The following COMMD1 variants were observed in gnomAD, a reference collection of about 807,000 sequenced individuals.
COMMD1 encodes the protein copper metabolism domain containing 1, also known as COMM domain-containing protein 1.
In COMMD1, 10 loss-of-function variants were observed where a neutral mutation model predicts 17.2. That is an observed-to-expected ratio of 0.58 (90% confidence interval 0.36 to 0.99). COMMD1 has a LOEUF of 0.99. Among genes scored for constraint, COMMD1 ranks in the 50% least tolerant of loss-of-function variants. COMMD1 has a pLI of 0.01. For synonymous variants in COMMD1, 97 were observed against 91.6 expected (o/e 1.06, Z -0.34); for missense variants, 270 against 231.8 (o/e 1.17, Z -1.07).
At chr2:61,956,738 AT>A (rs1235050781) in intron 1 of COMMD1, among the ~76,000 whole-genome samples, 2 of 149,726 alleles carry the variant, frequency 1.3e-5, no homozygotes, top group Non-Finnish European at 3.0e-5. Flanking sequence ...AAGAAAGCGC[AT>A]AGTTTTTTTT....
chr2:62,010,356 A>T (rs1669245244), intron 2 of COMMD1, among the ~76,000 whole-genome samples: 1 of 151,992 alleles, frequency 6.6e-6, no homozygotes, highest in Non-Finnish European at 1.5e-5. Context: ...CAACATCTAA[A>T]TGTTGGTGTA....
At chr2:62,052,410 T>A (rs1670562228) in intron 2 of COMMD1, among the ~76,000 whole-genome samples, 1 of 152,162 alleles carries the variant, frequency 6.6e-6, no homozygotes, top group Admixed American at 6.5e-5. Context: ...GGAGATAGGC[T>A]CTGTCCCACG....
intron 1 of COMMD1, among the ~76,000 whole-genome samples, chr2:61,922,512 C>T (rs1440141193): frequency 6.6e-6 from 1 of 152,122 alleles, no homozygotes; most frequent in Non-Finnish European, 1.5e-5. Context: ...AGATGGGTTT[C>T]ACCATGTTGG....
chr2:61,972,286 T>C (rs1334118862), intron 1 of COMMD1, among the ~76,000 whole-genome samples: 2 of 152,258 alleles, frequency 1.3e-5, no homozygotes, highest in Admixed American at 6.5e-5. Flanking sequence ...ATACTGCTGC[T>C]ATTATTTTTC....
chr2:61,992,916 T>C (rs1401986615), intron 1 of COMMD1, among the ~76,000 whole-genome samples: 1 of 152,220 alleles, frequency 6.6e-6, no homozygotes, highest in Non-Finnish European at 1.5e-5. Context: ...ACAATTAAAA[T>C]GAGGGAGGTA....
intron 2 of COMMD1, among the ~76,000 whole-genome samples, chr2:62,120,198 C>T (rs1672706023): frequency 6.6e-6 from 1 of 151,920 alleles, no homozygotes; most frequent in Non-Finnish European, 1.5e-5. Flanking sequence ...ATGGGTTTCA[C>T]CATGTTGCCC....
At chr2:62,125,188 A>G (rs1672854555) in intron 2 of COMMD1, among the ~76,000 whole-genome samples, 2 of 152,250 alleles carry the variant, frequency 1.3e-5, no homozygotes, top group South Asian at 4.1e-4. Context: ...TTGTGAGAAT[A>G]TGGATAAACA....
In COMMD1 at chr2:62,133,717, T is replaced by C. The variant is rs147854015; in HGVS notation, c.463-2114T>C. Among the ~76,000 whole-genome samples, 1,067 of 152,274 alleles carry C rather than the reference T, an allele frequency of 7.0e-3. 17 individuals are homozygous for C. The highest frequency in any genetic ancestry group is 0.024 in the African/African-American group (1,003 of 41,550). On this transcript the variant is annotated intron_variant, in intron 2 of 2. Coordinates refer to ENST00000311832, the MANE Select transcript of COMMD1 (RefSeq NM_152516.4). ...ATTAAGTATATGGTGAATCTAATAG[T>C]AGATAAGAGTTATTTTACTAAGGTT...
intron 2 of COMMD1, among the ~76,000 whole-genome samples, chr2:62,032,781 AT>A (rs1051549547): frequency 2.7e-5 from 4 of 150,140 alleles, no homozygotes; most frequent in Admixed American, 1.3e-4. Context: ...TTCATTCATT[AT>A]TTTTTTGAGA....
At chr2:61,998,936 C>T (rs754307562) in intron 1 of COMMD1, among the ~76,000 whole-genome samples, 1 of 152,064 alleles carries the variant, frequency 6.6e-6, no homozygotes, top group Non-Finnish European at 1.5e-5. Context: ...TGTTTCATGG[C>T]GCCCTGAAAG....
At chr2:62,028,761 A>G (rs886111458) in intron 2 of COMMD1, among the ~76,000 whole-genome samples, 2 of 152,180 alleles carry the variant, frequency 1.3e-5, no homozygotes, top group African/African-American at 2.4e-5. Context: ...TTATTTTATT[A>G]TAGTCACTTA....
chr2:62,125,923 C>A (rs979523661), intron 2 of COMMD1, among the ~76,000 whole-genome samples: 1 of 152,128 alleles, frequency 6.6e-6, no homozygotes, highest in African/African-American at 2.4e-5. Context: ...CTCCTTCCCC[C>A]CACTTCACCC....
intron 1 of COMMD1, among the ~76,000 whole-genome samples, chr2:61,926,183 G>C (rs994821612): frequency 6.6e-6 from 1 of 152,112 alleles, no homozygotes; most frequent in Admixed American, 6.5e-5. Context: ...GTGTTAGCCA[G>C]AATGGTCTCC....
intron 1 of COMMD1, among the ~76,000 whole-genome samples, chr2:61,927,668 G>T (rs1670363356): frequency 6.6e-6 from 1 of 151,916 alleles, no homozygotes; most frequent in African/African-American, 2.4e-5. Context: ...AAAGTGCTGG[G>T]ATTACAGGCG....
At chr2:62,104,495 G>C (rs1272540604) in intron 2 of COMMD1, among the ~76,000 whole-genome samples, 1 of 151,644 alleles carries the variant, frequency 6.6e-6, no homozygotes, top group African/African-American at 2.4e-5. Flanking sequence ...TTAGCTGGGC[G>C]TGGTGATGGG....
chr2:61,978,807 C>T (rs758064660), intron 1 of COMMD1, among the ~76,000 whole-genome samples: 30 of 152,108 alleles, frequency 2.0e-4, no homozygotes, highest in South Asian at 8.3e-4. Context: ...TTGTCAGTTT[C>T]CTAAGACTTG....
intron 1 of COMMD1, among the ~76,000 whole-genome samples, chr2:61,989,677 G>T (rs192739566): frequency 6.6e-6 from 1 of 152,022 alleles, no homozygotes; most frequent in African/African-American, 2.4e-5. Flanking sequence ...TTGGCCAGCA[G>T]GTCTCGAAAC....
chr2:61,987,751 C>T (rs1344473160), intron 1 of COMMD1, among the ~76,000 whole-genome samples: 2 of 152,170 alleles, frequency 1.3e-5, no homozygotes, highest in East Asian at 3.9e-4. Flanking sequence ...TTGTGACCTT[C>T]CATTCAGGGG....
upstream of COMMD1, chr2:61,888,454 G>A (rs770742938): frequency 1.4e-5 from 22 of 1,611,030 alleles, no homozygotes; most frequent in Non-Finnish European, 1.8e-5. Context: ...CTTTCCCGCG[G>A]CCGCCGGCAG....
Sources: gnomAD v4.1 joint callset for allele counts (sites outside exome capture counted in the v4.1 genomes callset) on GRCh38, gnomAD v4.1.1 for gene constraint, MANE v1.5 for transcripts, NCBI Gene and HGNC (gene_info 2026-07-23, HGNC 2026-07-21) for gene names.